The following GDAP1L1 variants were observed in gnomAD, a reference collection of about 807,000 sequenced individuals.
The protein encoded by GDAP1L1 is ganglioside-induced differentiation-associated protein 1-like 1.
A neutral mutation model predicts 37.1 loss-of-function variants in GDAP1L1; 21 were observed. The ratio of observed to expected loss-of-function variants is 0.57; its 90% CI spans 0.40 to 0.81. GDAP1L1 has a LOEUF of 0.81. Among genes scored for constraint, GDAP1L1 ranks in the 40% least tolerant of loss-of-function variants. GDAP1L1 has a pLI of 0.00. For missense variants in GDAP1L1, 362 were observed against 491.6 expected (o/e 0.74, Z 2.49); for synonymous variants, 193 against 209.1 (o/e 0.92, Z 0.67).
At chr20:44,253,456 TA>T (rs1344714592) in intron 1 of GDAP1L1, among the ~76,000 whole-genome samples, 1 of 152,244 alleles carries the variant, frequency 6.6e-6, no homozygotes, top group East Asian at 1.9e-4. Context: ...CTAAGTGTTT[TA>T]TACAAAGTCA....
intron 5 of GDAP1L1, among the ~76,000 whole-genome samples, chr20:44,269,542 T>A (rs2062490962): frequency 6.6e-6 from 1 of 152,046 alleles, no homozygotes; most frequent in East Asian, 1.9e-4. Context: ...ATGGTTGCAG[T>A]GGATATGGTG....
rs565807491 is a variant in GDAP1L1 at position 44,247,859 on chromosome 20, G to C, written c.180+345G>C. 2.0e-5 allele frequency among the ~76,000 whole-genome samples: 3 copies of C among 152,214 alleles called. No individual in the cohort carries two copies. In the East Asian group the frequency reaches 5.8e-4, roughly 30 times the overall value. The stretch of plus-strand genomic sequence containing the variant: ...ATGGGCACTGCTGGGAAGGCGGCTT[G>C]GTGGGGTGGGAGGTGCTGCTGCTGC... On this transcript the variant is annotated intron_variant, in intron 1 of 5. Coordinates refer to ENST00000342560, the MANE Select transcript of GDAP1L1 (RefSeq NM_024034.6).
chr20:44,257,482 A>T (rs778427551), intron 2 of GDAP1L1, 137 bp downstream of exon 2: 18 of 899,160 alleles, frequency 2.0e-5, no homozygotes, highest in Non-Finnish European at 2.6e-5. Flanking sequence ...AGTCTCCCCA[A>T]AAAGGAGCCA....
intron 5 of GDAP1L1, among the ~76,000 whole-genome samples, chr20:44,271,921 C>A (rs2146044801): frequency 6.6e-6 from 1 of 152,296 alleles, no homozygotes; most frequent in South Asian, 2.1e-4. Flanking sequence ...AGAGGAGTAC[C>A]CCAGGCCTGA....
intron 5 of GDAP1L1, among the ~76,000 whole-genome samples, chr20:44,274,499 C>T (rs952695678): frequency 6.6e-6 from 1 of 152,162 alleles, no homozygotes; most frequent in Non-Finnish European, 1.5e-5. Flanking sequence ...TTGCCAGGGT[C>T]GCCAGTCGGT....
intron 1 of GDAP1L1, among the ~76,000 whole-genome samples, chr20:44,254,414 AAC>A (rs2073501132): frequency 6.6e-6 from 1 of 152,158 alleles, no homozygotes; most frequent in African/African-American, 2.4e-5. Context: ...CACTCTCTGC[AAC>A]AGTTTTTCCC....
intron 3 of GDAP1L1, among the ~76,000 whole-genome samples, chr20:44,261,814 A>G (rs2073679137): frequency 6.6e-6 from 1 of 152,208 alleles, no homozygotes; most frequent in Non-Finnish European, 1.5e-5. Flanking sequence ...GACCTCCTAC[A>G]GGATCAGGAA....
chr20:44,259,261 A>G (rs1402554492), intron 3 of GDAP1L1, among the ~76,000 whole-genome samples: 1 of 152,158 alleles, frequency 6.6e-6, no homozygotes, highest in Non-Finnish European at 1.5e-5. Context: ...AAATCAGATA[A>G]TCCCTCAGCA....
chr20:44,262,226 G>A (rs1216284715), intron 3 of GDAP1L1, among the ~76,000 whole-genome samples: 1 of 152,006 alleles, frequency 6.6e-6, no homozygotes, highest in African/African-American at 2.4e-5. Context: ...GGTGACAGAG[G>A]GTGGGTGAAA....
chr20:44,261,941 G>A (rs138392529), intron 3 of GDAP1L1, among the ~76,000 whole-genome samples: 20 of 152,238 alleles, frequency 1.3e-4, no homozygotes, highest in African/African-American at 4.8e-4. Context: ...GGTGTGGAGT[G>A]GTCTGGCACA....
intron 5 of GDAP1L1, among the ~76,000 whole-genome samples, chr20:44,275,630 G>T (rs2062564876): frequency 6.6e-6 from 1 of 152,148 alleles, no homozygotes; most frequent in African/African-American, 2.4e-5. Flanking sequence ...GAGGAGTCAA[G>T]ATTATAGACA....
intron 3 of GDAP1L1, among the ~76,000 whole-genome samples, chr20:44,259,153 T>C (rs2073625003): frequency 6.6e-6 from 1 of 152,138 alleles, no homozygotes; most frequent in Non-Finnish European, 1.5e-5. Flanking sequence ...AGATTGAAGG[T>C]TACCCATGAG....
chr20:44,253,597 A>T (rs977657266), intron 1 of GDAP1L1, among the ~76,000 whole-genome samples: 1 of 152,146 alleles, frequency 6.6e-6, no homozygotes, highest in African/African-American at 2.4e-5. Context: ...ACCAACAGGG[A>T]AGTTCGTTTA....
chr20:44,247,327 G>A lies in GDAP1L1; in HGVS notation c.-8G>A. The A allele has an allele frequency of 6.2e-7, 1 of 1,613,212 alleles. No individual in the cohort carries two copies. Among genetic ancestry groups the A allele is most frequent in the Non-Finnish European group, 8.5e-7 (1 of 1,179,720 alleles). On this transcript the variant is annotated 5_prime_UTR_variant, in exon 1 of 6. Transcript: ENST00000342560. ...CTCCTTCTTTCCTGCCTCTGATTCCGGGCTGTCATGGCGACCCCCAACAAT... is the reference window on the plus strand; with the variant it reads ...CTCCTTCTTTCCTGCCTCTGATTCCAGGCTGTCATGGCGACCCCCAACAAT...
chr20:44,257,881 G>A (rs1479311026), intron 2 of GDAP1L1, among the ~76,000 whole-genome samples: 1 of 151,886 alleles, frequency 6.6e-6, no homozygotes, highest in African/African-American at 2.4e-5. Flanking sequence ...ACAGGGGAGG[G>A]CCCAGATACC....
At chr20:44,270,372 G>A (rs1002995049) in intron 5 of GDAP1L1, among the ~76,000 whole-genome samples, 10 of 151,810 alleles carry the variant, frequency 6.6e-5, no homozygotes, top group South Asian at 2.1e-4. Context: ...GGGTTTCACC[G>A]TTTTAGCCGG....
chr20:44,252,317 G>C (rs990470503), intron 1 of GDAP1L1, among the ~76,000 whole-genome samples: 5 of 152,188 alleles, frequency 3.3e-5, no homozygotes, highest in African/African-American at 4.8e-5. Flanking sequence ...TTTGAGACCA[G>C]TCTGGCCAAC....
chr20:44,259,240 G>A (rs1437774880), intron 3 of GDAP1L1, among the ~76,000 whole-genome samples: 1 of 152,252 alleles, frequency 6.6e-6, no homozygotes, highest in African/African-American at 2.4e-5. Flanking sequence ...CCAGTGAATG[G>A]GTGTTGGATT....
chr20:44,263,282 GC>G lies in GDAP1L1; in HGVS notation c.604del (p.Gln202SerfsTer23), dbSNP rs750817419. 3.1e-6 allele frequency: 5 copies of G among 1,614,154 alleles called. No individual in the cohort carries two copies. The highest frequency in any genetic ancestry group is 3.4e-6 in the Non-Finnish European group (4 of 1,180,010). On this transcript the variant is annotated frameshift_variant, in exon 4 of 6. Transcript: ENST00000342560. LOFTEE classifies it high-confidence loss of function. ...TCATGAAACTGGACCATGAAGAGGAGCCCCAGCTCTCCGAGCCCTACCTTTC... is the reference window on the plus strand; with the variant it reads ...TCATGAAACTGGACCATGAAGAGGAGCCCAGCTCTCCGAGCCCTACCTTTC... Reference protein sequence around the residue: ...DLMKLDHEEEPQLSEPYLSKQ... With the variant: ...DLMKLDHEEEXQLSEPYLSKQ...
Sources: allele counts gnomAD v4.1 joint callset (sites outside exome capture counted in the v4.1 genomes callset), GRCh38; gene constraint gnomAD v4.1.1; transcripts MANE v1.5; gene names NCBI Gene and HGNC (gene_info 2026-07-23, HGNC 2026-07-21).